The following PIGG variants were observed in gnomAD, a reference collection of about 807,000 sequenced individuals.
PIGG encodes GPI ethanolamine phosphate transferase 2, catalytic subunit.
PIGG carries 70 observed loss-of-function variants against 83.2 expected under a neutral mutation model. The ratio of observed to expected loss-of-function variants is 0.84; its 90% CI spans 0.69 to 1.03. The LOEUF is 1.03. Among genes scored for constraint, PIGG ranks in the 50% least tolerant of loss-of-function variants. The pLI, the probability that PIGG is intolerant of heterozygous loss-of-function variation, is 0.00. For missense variants in PIGG, 1,257 were observed against 1,233.6 expected (o/e 1.02, Z -0.28); for synonymous variants, 532 against 519.5 (o/e 1.02, Z -0.33).
chr4:512,898 G>A (rs1472363082), intron 5 of PIGG, among the ~76,000 whole-genome samples: 1 of 152,142 alleles, frequency 6.6e-6, no homozygotes, highest in South Asian at 2.1e-4. Flanking sequence ...TGGGGAGATG[G>A]GAAGGAGATC....
intron 12 of PIGG, chr4:536,891 CCTCT>C (rs1337557442): frequency 6.6e-6 from 1 of 152,246 alleles, no homozygotes; most frequent in Non-Finnish European, 1.5e-5. Context: ...TTGCCCGGCT[CCTCT>C]CTCTGTAGGT....
At position 533,988 on chromosome 4, in the gene PIGG, C is replaced by T. The variant is rs777627148; in HGVS notation, c.2735+7C>T. On this transcript the variant is annotated splice_region_variant and intron_variant, in intron 12 of 12. Transcript: ENST00000453061. ...TGAGCTCAGAAACACGCAGGTGAGG[C>T]GCCTCTCTGCCGTCAGCACAGTTCT... The T allele has an allele frequency of 1.1e-5, 18 of 1,613,098 alleles. No homozygotes were observed. Among genetic ancestry groups the T allele is most frequent in the East Asian group, 2.2e-5 (1 of 44,882 alleles).
At chr4:499,922 G>T in intron 1 of PIGG, 1 of 229,312 alleles carries the variant, frequency 4.4e-6, no homozygotes, top group African/African-American at 2.3e-5. Context: ...TCCCTGCCTA[G>T]GGGCTAAGGC....
intron 12 of PIGG, among the ~76,000 whole-genome samples, chr4:538,337 A>G (rs1467419483): frequency 3.3e-5 from 5 of 152,188 alleles, no homozygotes; most frequent in Non-Finnish European, 5.9e-5. Context: ...GTACATTAAC[A>G]TACTTCGAGG....
intron 9 of PIGG, among the ~76,000 whole-genome samples, chr4:526,531 T>C (rs2108991372): frequency 6.6e-6 from 1 of 152,292 alleles, no homozygotes; most frequent in Non-Finnish European, 1.5e-5. Context: ...GGACGTATCA[T>C]GCGTTACTGA....
intron 6 of PIGG, among the ~76,000 whole-genome samples, chr4:517,119 G>C (rs1051818742): frequency 1.3e-5 from 2 of 152,138 alleles, no homozygotes; most frequent in African/African-American, 4.8e-5. Flanking sequence ...CTTGTATTCT[G>C]AGTTAAATGG....
rs782206608 is a variant in PIGG, at chr4:505,753, C to T, written c.396C>T (p.Asp132=). 2.9e-5 allele frequency: 46 copies of T among 1,613,266 alleles called. No individual in the cohort carries two copies. The highest frequency in any genetic ancestry group is 3.3e-4 in the Middle Eastern group (2 of 6,084). The change falls in exon 3 of 13, where the codon GAC becomes GAT. Residue 132 remains aspartate, a synonymous_variant. Transcript: ENST00000453061. ...CGGGGAGCCTTCCTGGCTTTGTCGACGTCATCAGGAACCTCAATTCTCCTG... is the reference window on the plus strand; with the variant it reads ...CGGGGAGCCTTCCTGGCTTTGTCGATGTCATCAGGAACCTCAATTCTCCTG... ...LMTGSLPGFV[D]VIRNLNSPAL...
At chr4:527,467 T>C in intron 10 of PIGG, 1 of 1,281,920 alleles carries the variant, frequency 7.8e-7, no homozygotes, top group Non-Finnish European at 9.8e-7. Context: ...GTGTTACTTT[T>C]AGGAGACAAA....
At position 501,533 on chromosome 4, in the gene PIGG, G is replaced by A. The variant is rs1363340843; in HGVS notation, c.360+932G>A. On this transcript the variant is annotated intron_variant, in intron 2 of 12. Coordinates refer to ENST00000453061, the MANE Select transcript of PIGG (RefSeq NM_001127178.3). Reference sequence around the variant, plus strand: ...TCTCTGACGGAGCCTTAGCTGTGTTGTTGATCATGTGAAACATTATTTGGT... The same window carrying A: ...TCTCTGACGGAGCCTTAGCTGTGTTATTGATCATGTGAAACATTATTTGGT... 6.5e-5 allele frequency: 11 copies of A among 168,120 alleles called. No homozygotes were observed. The East Asian group carries it at 7.2e-4, about 11-fold the overall frequency. 10.4% of individuals were successfully genotyped at this position (168,120 alleles called of 1,614,324 possible).
In PIGG at chr4:500,551, A is replaced by G; in HGVS notation, c.310A>G (p.Ser104Gly). ...TYLVEKGASH[S>G]FVAEAKPPTV... ...CCTTGTGGAAAAAGGAGCATCTCAC[A>G]GTTTTGTGGCTGAAGCAAAGCCACC... The change falls in exon 2 of 13, where the codon AGT becomes GGT. Residue 104 changes from serine to glycine, a missense_variant. Physicochemically the swap from Ser to Gly is moderately conservative, Grantham distance 56. Transcript: ENST00000453061. 3 of 1,613,830 alleles carry G rather than the reference A, an allele frequency of 1.9e-6. No homozygotes were observed. Among genetic ancestry groups the G allele is most frequent in the Non-Finnish European group, 2.5e-6 (3 of 1,179,698 alleles).
At chr4:501,821 C>T (rs933982529) in intron 2 of PIGG, 3 of 152,332 alleles carry the variant, frequency 2.0e-5, no homozygotes, top group African/African-American at 4.8e-5. Flanking sequence ...GCATTGTCCT[C>T]ATGGAGCTTA....
intron 11 of PIGG, chr4:532,033 C>T (rs2109022829): frequency 6.6e-6 from 1 of 152,584 alleles, no homozygotes; most frequent in Admixed American, 6.5e-5. Context: ...TCCGCTGCCC[C>T]TCAGTGTTAG....
At chr4:506,513 G>T (rs1719760670) in intron 3 of PIGG, among the ~76,000 whole-genome samples, 2 of 152,204 alleles carry the variant, frequency 1.3e-5, no homozygotes, top group South Asian at 4.1e-4. Context: ...CCTCCTAGAT[G>T]GCTGGGCCTT....
chr4:538,422 C>G (rs953801167), intron 12 of PIGG, among the ~76,000 whole-genome samples: 9 of 152,314 alleles, frequency 5.9e-5, no homozygotes, highest in African/African-American at 2.2e-4. Flanking sequence ...GTCCTCCACA[C>G]CACAGCAGGG....
In PIGG at chr4:523,806, G is replaced by T; in HGVS notation, c.1962G>T (p.Val654=). The change falls in exon 9 of 13, where the codon GTG becomes GTT. Residue 654 remains valine, a synonymous_variant. Transcript: ENST00000453061. ...EVLRGREKWM[V]LASPWLILAC... ...TCAGAGGCCGCGAGAAGTGGATGGT[G>T]CTGGCCAGTCCGTGGCTAATACTGG... The T allele has an allele frequency of 3.1e-6, 5 of 1,613,428 alleles. No homozygotes were observed. Among genetic ancestry groups the T allele is most frequent in the Non-Finnish European group, 4.2e-6 (5 of 1,179,970 alleles).
At chr4:514,748 A>G (rs1723283282) in intron 5 of PIGG, among the ~76,000 whole-genome samples, 1 of 152,228 alleles carries the variant, frequency 6.6e-6, no homozygotes, top group Non-Finnish European at 1.5e-5. Flanking sequence ...CTTGGTTGTC[A>G]GCAACTCCAG....
chr4:517,313 T>A (rs989705669), intron 6 of PIGG, among the ~76,000 whole-genome samples: 1 of 152,108 alleles, frequency 6.6e-6, no homozygotes, highest in Non-Finnish European at 1.5e-5. Flanking sequence ...AAGAAGTGGT[T>A]GCATTCTGGA....
intron 12 of PIGG, among the ~76,000 whole-genome samples, chr4:538,026 A>G (rs11935642): frequency 0.094 from 12,978 of 138,726 alleles, 770 homozygotes; most frequent in East Asian, 0.18. Context: ...AGGACTGAGG[A>G]GCCCTTTACA....
At chr4:504,267 A>C (rs1718815920) in intron 2 of PIGG, among the ~76,000 whole-genome samples, 1 of 152,126 alleles carries the variant, frequency 6.6e-6, no homozygotes, top group Admixed American at 6.5e-5. Flanking sequence ...CGCATAGCTT[A>C]GTGGTCAGCC....
Sources: gnomAD v4.1 joint callset for allele counts (sites outside exome capture counted in the v4.1 genomes callset) on GRCh38, gnomAD v4.1.1 for gene constraint, MANE v1.5 for transcripts, NCBI Gene and HGNC (gene_info 2026-07-23, HGNC 2026-07-21) for gene names.